The following IDH2 variants were observed in gnomAD, a reference collection of about 807,000 sequenced individuals.
IDH2 encodes the protein isocitrate dehydrogenase [NADP], mitochondrial.
In IDH2, 18 loss-of-function variants were observed where a neutral mutation model predicts 50.5. The ratio of observed to expected loss-of-function variants is 0.36; its 90% CI spans 0.25 to 0.53. IDH2 has a LOEUF of 0.53. IDH2 is among the 20% of genes least tolerant of loss of function. IDH2 has a pLI of 0.92. For synonymous variants in IDH2, 280 were observed against 239.8 expected, an observed-to-expected ratio of 1.17 and a Z score of -1.55; for missense variants, 518 against 610.7, an observed-to-expected ratio of 0.85 and a Z score of 1.60.
rs537205828 is a variant in IDH2 at position 90,100,803 on chromosome 15, T to A, written c.115+1473A>T. ...ATGTCCAACTCCAACACCAAGCAAT[T>A]TCCCCATTCATAACCAACCCACATG... On this transcript the variant is annotated intron_variant, in intron 1 of 10. Transcript: ENST00000330062. This position sits in a 1 kb window ranked among gnomAD's most constrained non-coding sequence, Gnocchi z 4.1. 39 of 229,510 alleles carry A rather than the reference T, an allele frequency of 1.7e-4. No homozygotes were observed. The highest frequency in any genetic ancestry group is 8.9e-4 in the African/African-American group (38 of 42,924). The allele number at this position is 229,510 out of a possible 1,614,324, so 14.2% of individuals were successfully genotyped here.
Position 90,084,920 on chromosome 15 carries a change from G to T in IDH2, c.1179-12C>A, listed in dbSNP as rs1356103872. ...GCATCTGGGCAAACCTATGGGGATG[G>T]GGCAGAATGAGACCCCATCTGTGCA... is the stretch of plus-strand genomic sequence containing the variant. On this transcript the variant is annotated splice_polypyrimidine_tract_variant and intron_variant, in intron 9 of 10. Transcript: ENST00000330062. The surrounding 1 kb of genome is among the most constrained non-coding windows in gnomAD (Gnocchi z 5.0). 1 of 1,613,644 alleles carries T rather than the reference G, an allele frequency of 6.2e-7. No homozygotes were observed. The highest frequency in any genetic ancestry group is 2.2e-5 in the East Asian group (1 of 44,882).
Position 90,084,935 on chromosome 15 carries a change from C to G in IDH2, c.1179-27G>C, listed in dbSNP as rs1451614512. 1.1e-5 allele frequency: 17 copies of G among 1,612,828 alleles called. No individual in the cohort carries two copies. The highest frequency in any genetic ancestry group is 1.4e-5 in the Non-Finnish European group (16 of 1,179,010). ...TATGGGGATGGGGCAGAATGAGACCCCATCTGTGCAAGGGCAGGACCCAGA... is the reference window on the plus strand; with the variant it reads ...TATGGGGATGGGGCAGAATGAGACCGCATCTGTGCAAGGGCAGGACCCAGA... On this transcript the variant is annotated intron_variant, in intron 9 of 10. Transcript: ENST00000330062. The surrounding 1 kb of genome is among the most constrained non-coding windows in gnomAD (Gnocchi z 5.0).
Position 90,102,272 on chromosome 15 carries a change from TCA to T in IDH2, c.115+2_115+3del. 1.6e-6 allele frequency: 2 copies of T among 1,244,762 alleles called. No individual in the cohort carries two copies. Among genetic ancestry groups the T allele is most frequent in the Non-Finnish European group, 2.0e-6 (2 of 980,232 alleles). 77.1% of individuals were successfully genotyped at this position (1,244,762 alleles called of 1,614,324 possible). A position where few individuals can be genotyped will look rare whatever the true frequency, so the allele number is the denominator to read the frequency against. On this transcript the variant is annotated splice_donor_variant and splice_donor_region_variant and intron_variant, in intron 1 of 10. Transcript: ENST00000330062. LOFTEE classifies it high-confidence loss of function. ...CCTGCCTGGACCCTCCGCGCGGCAC[TCA>T]CAGTGGCGCCGCGGCTGCTCTTGCG...
At chr15:90,087,611 C>A (rs749466731) in intron 5 of IDH2, 36 bp from the exon 6 acceptor site, 1 of 1,611,950 alleles carries the variant, frequency 6.2e-7, no homozygotes, top group South Asian at 1.1e-5. Flanking sequence ...GCGTGGTGCC[C>A]TAGCCTGGCG....
Position 90,088,627 on chromosome 15 carries a change from G to A in IDH2, c.494C>T (p.Thr165Ile), listed in dbSNP as rs2151549599. Reference sequence around the variant, plus strand: ...GTGCCTGCCAATGGTGATGGGCTTGGTCCAGCCAGGGACTAGGCGTGGGAT... The same window carrying A: ...GTGCCTGCCAATGGTGATGGGCTTGATCCAGCCAGGGACTAGGCGTGGGAT... ...KNIPRLVPGW[T>I]KPITIGRHAH... The change falls in exon 4 of 11, where the codon ACC becomes ATC. Residue 165 changes from threonine (T) to isoleucine (I), a missense_variant. Physicochemically the swap from Thr to Ile is moderately conservative, Grantham distance 89. Transcript: ENST00000330062. The A allele has an allele frequency of 6.2e-7, 1 of 1,614,224 alleles. No homozygotes were observed. Among genetic ancestry groups the A allele is most frequent in the Non-Finnish European group, 8.5e-7 (1 of 1,180,038 alleles).
Position 90,091,537 on chromosome 15 carries a change from C to T in IDH2, c.207+16G>A. 6.2e-7 allele frequency: 1 copy of T among 1,603,880 alleles called. No homozygotes were observed. The highest frequency in any genetic ancestry group is 8.5e-7 in the Non-Finnish European group (1 of 1,170,626). On this transcript the variant is annotated intron_variant, in intron 2 of 10. Coordinates refer to ENST00000330062, the MANE Select transcript of IDH2 (RefSeq NM_002168.4). The stretch of plus-strand genomic sequence containing the variant: ...AGCCCACCTGGAGAGCCACCCACTT[C>T]AGGAGGGGGCACTACCTTCTCCTTG...
rs528551726 is a variant in IDH2 at position 90,085,490 on chromosome 15, G to A, written c.968-103C>T. The A allele has an allele frequency of 5.0e-5, 42 of 833,676 alleles. No individual in the cohort carries two copies. In the South Asian group the frequency reaches 5.2e-4, roughly 10 times the overall value. The allele number at this position is 833,676 out of a possible 1,614,324, so 51.6% of individuals were successfully genotyped here. ...CCCAATATTGTAGCTGCCATAGTTC[G>A]TGGCTCTACTCAGCCTCCCCCAGCT... On this transcript the variant is annotated intron_variant, in intron 7 of 10. Transcript: ENST00000330062. This position sits in a 1 kb window ranked among gnomAD's most constrained non-coding sequence, Gnocchi z 5.5.
chr15:90,088,906 ATTTTTTTTTT>A (rs57901991), intron 3 of IDH2, among the ~76,000 whole-genome samples, 159 bp from the exon 4 acceptor site: 1 of 96,488 alleles, frequency 1.0e-5, no homozygotes, highest in Non-Finnish European at 2.1e-5. Flanking sequence ...GAGTCTGCCA[ATTTTTTTTTT>A]TTTTTTTTTT....
At chr15:90,093,609 A>AATTAATTT (rs1555461857) in intron 1 of IDH2, among the ~76,000 whole-genome samples, 50 of 150,442 alleles carry the variant, frequency 3.3e-4, no homozygotes, top group Middle Eastern at 3.4e-3. Flanking sequence ...TTAATTAATT[A>AATTAATTT]ATTTATTTAT....
chr15:90,096,487 G>A (rs1263907248), intron 1 of IDH2, among the ~76,000 whole-genome samples: 1 of 151,918 alleles, frequency 6.6e-6, no homozygotes, highest in Non-Finnish European at 1.5e-5. Flanking sequence ...GCTACTATCA[G>A]GAAAAGAAAA....
At position 90,088,516 on chromosome 15, in the gene IDH2, A is replaced by AG. The variant is rs1274155953; in HGVS notation, c.535-15dup. On this transcript the variant is annotated splice_polypyrimidine_tract_variant and intron_variant, in intron 4 of 10. Transcript: ENST00000330062. ...TGTGGCCTTGTACTGCAGAGACAAG[A>AG]GGATGGCTAGGCGAGGAGCTCCAGT... 1.2e-6 allele frequency: 2 copies of AG among 1,614,234 alleles called. No individual in the cohort carries two copies. The highest frequency in any genetic ancestry group is 1.7e-6 in the Non-Finnish European group (2 of 1,180,042).
intron 2 of IDH2, 96 bp from the exon 3 acceptor site, chr15:90,090,740 C>A (rs556326865): frequency 2.5e-4 from 335 of 1,325,768 alleles, no homozygotes; most frequent in Non-Finnish European, 3.5e-4. Flanking sequence ...TGGCAGGGGA[C>A]AGTCAGTCAA....
In IDH2 at chr15:90,102,361, C is replaced by T; in HGVS notation, c.30G>A (p.Ser10=). 3 of 1,366,574 alleles carry T rather than the reference C, an allele frequency of 2.2e-6. No individual in the cohort carries two copies. The highest frequency in any genetic ancestry group is 1.6e-5 in the South Asian group (1 of 62,852). 84.7% of individuals were successfully genotyped at this position (1,366,574 alleles called of 1,614,324 possible). ...GCCGCGAGCCTGAGGCTCTGCAGAG[C>T]GAGCGCACGACCCGCAGGTAGCCGG... MAGYLRVVR[S]LCRASGSRPA... The change falls in exon 1 of 11, where the codon TCG becomes TCA. Residue 10 remains serine, a synonymous_variant. Coordinates refer to ENST00000330062, the MANE Select transcript of IDH2 (RefSeq NM_002168.4).
Position 90,085,849 on chromosome 15 carries a change from C to T in IDH2, c.968-462G>A, listed in dbSNP as rs74038814. On this transcript the variant is annotated intron_variant, in intron 7 of 10. Coordinates refer to ENST00000330062, the MANE Select transcript of IDH2 (RefSeq NM_002168.4). This position sits in a 1 kb window ranked among gnomAD's most constrained non-coding sequence, Gnocchi z 5.5. ...AAGCTTTTTGATTAATTTCTGAATG[C>T]TCCCAAATCCACATGTCAACTCCAG... 0.031 allele frequency among the ~76,000 whole-genome samples: 4,706 copies of T among 152,334 alleles called. 173 individuals are homozygous for T. The highest frequency in any genetic ancestry group is 0.088 in the African/African-American group (3,671 of 41,560).
rs1900802154 is a variant in IDH2, at chr15:90,084,378, CAG to C, written c.1272-27_1272-26del. The stretch of plus-strand genomic sequence containing the variant: ...ACTGCAGAGAGAGCACCACTCACAT[CAG>C]GGGTGGCTCCAGGCCTTGCCAAGGC... On this transcript the variant is annotated intron_variant, in intron 10 of 10. Coordinates refer to ENST00000330062, the MANE Select transcript of IDH2 (RefSeq NM_002168.4). This position sits in a 1 kb window ranked among gnomAD's most constrained non-coding sequence, Gnocchi z 5.0. The C allele has an allele frequency of 1.2e-6, 2 of 1,605,634 alleles. No individual in the cohort carries two copies. Among genetic ancestry groups the C allele is most frequent in the Non-Finnish European group, 8.5e-7 (1 of 1,174,150 alleles).
At chr15:90,088,546 G>A (rs1366926870) in intron 4 of IDH2, 41 bp downstream of exon 4, 1 of 1,614,228 alleles carries the variant, frequency 6.2e-7, no homozygotes, top group South Asian at 1.1e-5. Flanking sequence ...TCCAGTCGGG[G>A]GGTGCCCAGG....
intron 5 of IDH2, among the ~76,000 whole-genome samples, chr15:90,087,800 CA>C (rs1900906178): frequency 1.4e-5 from 2 of 139,856 alleles, no homozygotes; most frequent in Admixed American, 7.1e-5. Context: ...TTTTGGAAAA[CA>C]CCGCCTTTTT....
At chr15:90,101,878 G>A (rs1333420182) in intron 1 of IDH2, among the ~76,000 whole-genome samples, 1 of 152,032 alleles carries the variant, frequency 6.6e-6, no homozygotes, top group Admixed American at 6.5e-5. Flanking sequence ...CCTCTCGCCA[G>A]GGGAGCGCGC....
chr15:90,095,021 C>T (rs755547210), intron 1 of IDH2, among the ~76,000 whole-genome samples: 7 of 152,012 alleles, frequency 4.6e-5, no homozygotes, highest in Non-Finnish European at 1.0e-4. Context: ...TGATTAAAGC[C>T]TAACAGACCT....
Sources: gnomAD v4.1 joint callset for allele counts (sites outside exome capture counted in the v4.1 genomes callset) on GRCh38, gnomAD v4.1.1 for gene constraint, Gnocchi (gnomAD v3.1) non-coding constraint, MANE v1.5 for transcripts, NCBI Gene and HGNC (gene_info 2026-07-23, HGNC 2026-07-21) for gene names.